AKR1B1: variants seen among roughly 807,000 people sequenced by gnomAD.
AKR1B1 encodes the protein aldo-keto reductase family 1 member B.
In AKR1B1, 22 loss-of-function variants were observed where a neutral mutation model predicts 40.4. The observed-to-expected ratio is 0.54, with a 90% CI of 0.39 to 0.78. The LOEUF is 0.78. Among genes scored for constraint, AKR1B1 ranks in the 30% least tolerant of loss-of-function variants. AKR1B1 has a pLI of 0.00. For missense variants in AKR1B1, 357 were observed against 396.7 expected, an observed-to-expected ratio of 0.90 and a Z score of 0.85; for synonymous variants, 157 against 149.9, an observed-to-expected ratio of 1.05 and a Z score of -0.35.
In AKR1B1 at chr7:134,450,798, C is replaced by T. The variant is rs199863988; in HGVS notation, c.339G>A (p.Pro113=). 422 of 1,613,864 alleles carry T rather than the reference C, an allele frequency of 2.6e-4. 8 individuals are homozygous for T. The South Asian group carries it at 4.2e-3, about 16-fold the overall frequency. ...AGGCATCCCATACCTTAAAGCCAGT[C>T]GGCCAGTGAATAAGGTAGAGGTCCA... ...DYLDLYLIHW[P]TGFKPGKEFF... Residue 113 remains proline, a synonymous_variant, in exon 3 of 10, where the codon CCG becomes CCA. Coordinates refer to ENST00000285930, the MANE Select transcript of AKR1B1 (RefSeq NM_001628.4).
chr7:134,455,622 C>T (rs1001047022), intron 1 of AKR1B1, among the ~76,000 whole-genome samples: 1 of 151,848 alleles, frequency 6.6e-6, no homozygotes, highest in East Asian at 1.9e-4. Flanking sequence ...TTGCTCTTGT[C>T]GCCTAGGCTG....
Position 134,447,304 on chromosome 7 carries a change from G to A in AKR1B1, c.819C>T (p.Asn273=), listed in dbSNP as rs768290804. The change falls in exon 8 of 10, where the codon AAC becomes AAT. Residue 273 remains asparagine, a synonymous_variant. Transcript: ENST00000285930. The part of the protein sequence containing the change: ...KSVTPERIAE[N]FKVFDFELSS... ...TGACCAGCCAAGATCTTACCTTAAAGTTCTCAGCAATGCGTTCTGGTGTCA... is the reference window on the plus strand; with the variant it reads ...TGACCAGCCAAGATCTTACCTTAAAATTCTCAGCAATGCGTTCTGGTGTCA... 2 of 1,613,976 alleles carry A rather than the reference G, an allele frequency of 1.2e-6. No homozygotes were observed. Among genetic ancestry groups the A allele is most frequent in the Admixed American group, 3.3e-5 (2 of 60,014 alleles).
At chr7:134,454,242 C>T (rs910154234) in intron 1 of AKR1B1, among the ~76,000 whole-genome samples, 1 of 152,226 alleles carries the variant, frequency 6.6e-6, no homozygotes, top group Non-Finnish European at 1.5e-5. Context: ...CAAAGCTCTA[C>T]GTTGGGCAGT....
upstream of AKR1B1, chr7:134,459,133 C>G (rs993840021): frequency 2.5e-5 from 38 of 1,535,504 alleles, no homozygotes; most frequent in Non-Finnish European, 2.7e-5. Context: ...TTTAAATAGC[C>G]CGTGAGGTCG....
chr7:134,457,536 A>AT (rs1806508142), intron 1 of AKR1B1, among the ~76,000 whole-genome samples: 3 of 152,238 alleles, frequency 2.0e-5, no homozygotes, highest in African/African-American at 7.2e-5. Context: ...TCCCTGATGC[A>AT]AATGACCTTT....
intron 9 of AKR1B1, 27 bp from the exon 10 acceptor site, chr7:134,442,797 G>A: frequency 6.2e-7 from 1 of 1,611,754 alleles, no homozygotes; most frequent in Non-Finnish European, 8.5e-7. Flanking sequence ...GAAAACAGTT[G>A]CTTTTTGAAG....
chr7:134,450,314 T>A (rs953907866), intron 3 of AKR1B1, among the ~76,000 whole-genome samples: 1 of 152,176 alleles, frequency 6.6e-6, no homozygotes, highest in Non-Finnish European at 1.5e-5. Flanking sequence ...ACTCTCAAGT[T>A]CTTCTTGTGC....
rs1225936558 is a variant in AKR1B1, at chr7:134,459,012, C to G, written c.51G>C (p.Gly17=). ...GAGCACCTACCTTCCAGGTACCCAA[C>G]CCCAGGATGGGCATCTTGGCGCCGT... The part of the protein sequence containing the change: ...LNNGAKMPIL[G]LGTWKSPPGQ... The change falls in exon 1 of 10, where the codon GGG becomes GGC. Residue 17 remains glycine (G), a synonymous_variant. Coordinates refer to ENST00000285930, the MANE Select transcript of AKR1B1 (RefSeq NM_001628.4). The G allele has an allele frequency of 1.9e-6, 3 of 1,608,650 alleles. No individual in the cohort carries two copies. Among genetic ancestry groups the G allele is most frequent in the Non-Finnish European group, 2.5e-6 (3 of 1,177,986 alleles).
intron 8 of AKR1B1, among the ~76,000 whole-genome samples, chr7:134,446,981 G>C (rs183302514): frequency 2.0e-5 from 3 of 152,314 alleles, no homozygotes; most frequent in East Asian, 1.9e-4. Flanking sequence ...CAGAGCTCCA[G>C]TGCAGGGCAG....
At chr7:134,449,675 A>G (rs758213746) in intron 4 of AKR1B1, 45 bp downstream of exon 4, 1 of 1,429,106 alleles carries the variant, frequency 7.0e-7, no homozygotes. Flanking sequence ...TAAGAAGAAG[A>G]GGGAACCAGT....
rs554141846 is a variant in AKR1B1, at chr7:134,447,612, G to A, written c.742-231C>T. ...CTGTGCCACACGCTTCAGTGTCTCA[G>A]GCATATCATGAGACCACATGAGGCC... is the stretch of plus-strand genomic sequence containing the variant. On this transcript the variant is annotated intron_variant, in intron 7 of 9. Coordinates refer to ENST00000285930, the MANE Select transcript of AKR1B1 (RefSeq NM_001628.4). The A allele has an allele frequency of 6.0e-4, 384 of 637,068 alleles. 2 individuals are homozygous for A. The African/African-American group carries it at 6.1e-3, about 10-fold the overall frequency. 39.5% of individuals were successfully genotyped at this position (637,068 alleles called of 1,614,324 possible).
chr7:134,449,659 T>G (rs1806226325), intron 4 of AKR1B1, 61 bp downstream of exon 4: 1 of 1,271,816 alleles, frequency 7.9e-7, no homozygotes, highest in Admixed American at 1.7e-5. Flanking sequence ...GCAGGCAGAT[T>G]GCTTCTAAGA....
intron 1 of AKR1B1, among the ~76,000 whole-genome samples, chr7:134,454,959 T>A (rs1412938320): frequency 1.3e-5 from 2 of 152,182 alleles, no homozygotes; most frequent in Non-Finnish European, 2.9e-5. Flanking sequence ...CTTATTTAAA[T>A]GTCTTTGGTC....
At chr7:134,448,143 T>A (rs1030270455) in intron 6 of AKR1B1, 82 bp from the exon 7 acceptor site, 17 of 1,225,882 alleles carry the variant, frequency 1.4e-5, no homozygotes, top group Non-Finnish European at 2.0e-5. Flanking sequence ...AATCCTCCCA[T>A]CGACCTCAGA....
intron 8 of AKR1B1, 106 bp downstream of exon 8, chr7:134,447,192 G>C: frequency 2.9e-6 from 3 of 1,030,206 alleles, no homozygotes; most frequent in Admixed American, 1.9e-5. Context: ...CCTCAGAAGA[G>C]AGGATGGTGG....
intron 4 of AKR1B1, 47 bp downstream of exon 4, chr7:134,449,673 A>C (rs1182582578): frequency 7.1e-7 from 1 of 1,415,392 alleles, no homozygotes; most frequent in Non-Finnish European, 1.0e-6. Context: ...TCTAAGAAGA[A>C]GAGGGAACCA....
At chr7:134,448,545 G>A in intron 5 of AKR1B1, 52 bp from the exon 6 acceptor site, 1 of 1,366,994 alleles carries the variant, frequency 7.3e-7, no homozygotes, top group Non-Finnish European at 1.0e-6. Context: ...ACACGCTGAT[G>A]GGACACAGAT....
chr7:134,454,809 G>A (rs1226742510), intron 1 of AKR1B1, among the ~76,000 whole-genome samples: 3 of 152,196 alleles, frequency 2.0e-5, no homozygotes, highest in East Asian at 1.9e-4. Context: ...AACAGGAAAC[G>A]ATCACTCAGA....
intron 9 of AKR1B1, chr7:134,444,979 G>C (rs1806051417): frequency 3.5e-6 from 2 of 579,164 alleles, no homozygotes; most frequent in South Asian, 4.2e-5. Flanking sequence ...TGAATGGAAA[G>C]CCAAAATATG....
Sources: gnomAD v4.1 joint callset for allele counts (sites outside exome capture counted in the v4.1 genomes callset) on GRCh38, gnomAD v4.1.1 for gene constraint, MANE v1.5 for transcripts, NCBI Gene and HGNC (gene_info 2026-07-23, HGNC 2026-07-21) for gene names.